The following ADD2 variants were observed in gnomAD, a reference collection of about 807,000 sequenced individuals.
The protein encoded by ADD2 is beta-adducin.
In ADD2, 23 loss-of-function variants were observed where a neutral mutation model predicts 83.0. The observed-to-expected ratio is 0.28, with a 90% CI of 0.20 to 0.39. ADD2 has a LOEUF of 0.39. ADD2 is among the 10% of genes least tolerant of loss of function. The pLI is 1.00. For missense variants in ADD2, 758 were observed against 944.9 expected (o/e 0.80, Z 2.59); for synonymous variants, 375 against 375.4 (o/e 1.00, Z 0.01).
intron 1 of ADD2, among the ~76,000 whole-genome samples, chr2:70,725,816 T>C (rs1553378123): frequency 6.6e-6 from 1 of 151,822 alleles, no homozygotes; most frequent in Non-Finnish European, 1.5e-5. Flanking sequence ...TTTGCTAACC[T>C]GCAGATTCTG....
At position 70,706,499 on chromosome 2, in the gene ADD2, G is replaced by A. The variant is rs768216734; in HGVS notation, c.-34-57C>T. ...GTTGGTGCTCCCCATCGGGGTACAC[G>A]TTTCTCAGAGCACAGGGCTAGGTTC... On this transcript the variant is annotated intron_variant, in intron 2 of 15. Coordinates refer to ENST00000264436, the MANE Select transcript of ADD2 (RefSeq NM_001617.4). This position sits in a 1 kb window ranked among gnomAD's most constrained non-coding sequence, Gnocchi z 5.0. The A allele has an allele frequency of 2.8e-6, 4 of 1,449,976 alleles. No individual in the cohort carries two copies. Among genetic ancestry groups the A allele is most frequent in the Non-Finnish European group, 3.7e-6 (4 of 1,077,658 alleles). 89.8% of individuals were successfully genotyped at this position (1,449,976 alleles called of 1,614,324 possible).
At chr2:70,666,069 C>T (rs868969250) in intron 15 of ADD2, among the ~76,000 whole-genome samples, 6 of 152,334 alleles carry the variant, frequency 3.9e-5, no homozygotes, top group Middle Eastern at 3.4e-3. Flanking sequence ...CCACCTTGGC[C>T]TCCCAAAGTG....
At chr2:70,677,709 A>G (rs375540457) in intron 12 of ADD2, 49 bp downstream of exon 12, 19 of 1,598,348 alleles carry the variant, frequency 1.2e-5, no homozygotes, top group African/African-American at 8.0e-5. Context: ...GGGACCTGAG[A>G]CCCCCCAGTG....
chr2:70,696,440 C>T (rs1553372748), intron 4 of ADD2, 44 bp from the exon 5 acceptor site: 1 of 1,609,514 alleles, frequency 6.2e-7, no homozygotes, highest in Admixed American at 1.7e-5. Context: ...GCCCATCTGC[C>T]CTCCCCTTCC....
At chr2:70,686,962 C>T (rs558390521) in intron 9 of ADD2, among the ~76,000 whole-genome samples, 6 of 152,354 alleles carry the variant, frequency 3.9e-5, no homozygotes, top group East Asian at 1.9e-4. Flanking sequence ...AAGAGAAAGA[C>T]CTCTTCCTCT....
In ADD2 at chr2:70,706,424, G is replaced by A. The variant is rs368294170; in HGVS notation, c.-16C>T. On this transcript the variant is annotated 5_prime_UTR_variant, in exon 3 of 16. Coordinates refer to ENST00000264436, the MANE Select transcript of ADD2 (RefSeq NM_001617.4). This position sits in a 1 kb window ranked among gnomAD's most constrained non-coding sequence, Gnocchi z 5.0. ...CTTCGCTCATTTTCCCGGTGGGTTT[G>A]CAATTCGCTCCTGGAACTCTACAGA... 1.0e-5 allele frequency: 16 copies of A among 1,596,448 alleles called. No homozygotes were observed. Among genetic ancestry groups the A allele is most frequent in the Non-Finnish European group, 1.4e-5 (16 of 1,172,974 alleles).
intron 3 of ADD2, among the ~76,000 whole-genome samples, chr2:70,704,835 T>C (rs1383477458): frequency 6.6e-6 from 1 of 152,146 alleles, no homozygotes; most frequent in Non-Finnish European, 1.5e-5. Flanking sequence ...CCCTCTCCAT[T>C]AGCGATGCCT....
At chr2:70,742,747 C>T (rs374176498) in intron 1 of ADD2, among the ~76,000 whole-genome samples, 138 of 152,308 alleles carry the variant, frequency 9.1e-4, no homozygotes, top group African/African-American at 3.2e-3. Flanking sequence ...CCTTGATGTG[C>T]TCTGTATGTA....
chr2:70,663,912 G>T (rs1553365610), intron 15 of ADD2, among the ~76,000 whole-genome samples, 177 bp from the exon 16 acceptor site: 1 of 152,194 alleles, frequency 6.6e-6, no homozygotes, highest in Admixed American at 6.5e-5. Context: ...GTTCTGATCT[G>T]CACCTTCCAT....
intron 1 of ADD2, among the ~76,000 whole-genome samples, chr2:70,761,005 C>T (rs1267730536): frequency 6.6e-6 from 1 of 152,054 alleles, no homozygotes; most frequent in African/African-American, 2.4e-5. Flanking sequence ...TACTGTGAAA[C>T]AGCAACATAA....
intron 15 of ADD2, among the ~76,000 whole-genome samples, chr2:70,666,387 A>G (rs1675803148): frequency 6.6e-6 from 1 of 152,210 alleles, no homozygotes; most frequent in South Asian, 2.1e-4. Flanking sequence ...ACCAGCCCTG[A>G]GTGCTGGCCT....
At chr2:70,752,872 ACTCC>A (rs1290289153) in intron 1 of ADD2, among the ~76,000 whole-genome samples, 1 of 152,182 alleles carries the variant, frequency 6.6e-6, no homozygotes, top group Non-Finnish European at 1.5e-5. Flanking sequence ...CTCAGGCCCC[ACTCC>A]AGACAAATGA....
At chr2:70,668,755 C>G (rs1669783106) in intron 15 of ADD2, among the ~76,000 whole-genome samples, 1 of 152,156 alleles carries the variant, frequency 6.6e-6, no homozygotes, top group Non-Finnish European at 1.5e-5. Flanking sequence ...GCAAGGCTGC[C>G]TTTCCTTCTC....
intron 1 of ADD2, among the ~76,000 whole-genome samples, chr2:70,759,755 G>A (rs1674986288): frequency 6.6e-6 from 1 of 152,158 alleles, no homozygotes; most frequent in Non-Finnish European, 1.5e-5. Flanking sequence ...CCAGCCAGTA[G>A]AATCATGAGA....
At position 70,683,714 on chromosome 2, in the gene ADD2, C is replaced by T. The variant is rs1553370024; in HGVS notation, c.1002G>A (p.Gln334=). The change falls in exon 10 of 16, where the codon CAG becomes CAA. Residue 334 remains glutamine (Q), a synonymous_variant. Coordinates refer to ENST00000264436, the MANE Select transcript of ADD2 (RefSeq NM_001617.4). ...GGVENLILLE[Q]EKHRPHEVGS... The stretch of plus-strand genomic sequence containing the variant: ...CCACCTCATGGGGCCGGTGCTTCTC[C>T]TGCTCCAGGAGGATGAGGTTCTCCA... 1 of 1,613,988 alleles carries T rather than the reference C, an allele frequency of 6.2e-7. No individual in the cohort carries two copies. The highest frequency in any genetic ancestry group is 2.2e-5 in the East Asian group (1 of 44,884).
Position 70,674,664 on chromosome 2 carries a change from TC to T in ADD2, c.1741+13del. 6.2e-7 allele frequency: 1 copy of T among 1,611,478 alleles called. No homozygotes were observed. The highest frequency in any genetic ancestry group is 8.5e-7 in the Non-Finnish European group (1 of 1,178,722). On this transcript the variant is annotated intron_variant, in intron 14 of 15. Transcript: ENST00000264436. ...GGGGACTTGGAAGCAAGGGTGTGCC[TC>T]AGGGTCATTTACCATCAAGTTCTAG...
intron 1 of ADD2, among the ~76,000 whole-genome samples, chr2:70,735,207 C>G (rs1673474025): frequency 2.0e-5 from 3 of 151,790 alleles, no homozygotes; most frequent in African/African-American, 2.4e-5. Context: ...GACACCCAAA[C>G]AGAGAAAAGA....
chr2:70,675,653 CAA>C, intron 13 of ADD2: 1 of 985,416 alleles, frequency 1.0e-6, no homozygotes, highest in Non-Finnish European at 1.2e-6. Context: ...AGAGTGAAGC[CAA>C]AGGGAGGTGA....
intron 1 of ADD2, among the ~76,000 whole-genome samples, chr2:70,737,051 C>T (rs1216661772): frequency 5.9e-5 from 9 of 151,964 alleles, no homozygotes; most frequent in African/African-American, 1.9e-4. Flanking sequence ...GTTAGAATGG[C>T]GATCATTAAA....
Sources: allele counts gnomAD v4.1 joint callset (sites outside exome capture counted in the v4.1 genomes callset), GRCh38; gene constraint gnomAD v4.1.1; non-coding constraint Gnocchi (gnomAD v3.1); transcripts MANE v1.5; gene names NCBI Gene and HGNC (gene_info 2026-07-23, HGNC 2026-07-21).